SOX5: variants seen among roughly 807,000 people sequenced by gnomAD.
The protein encoded by SOX5 is transcription factor SOX-5.
In SOX5, 9 loss-of-function variants were observed where a neutral mutation model predicts 92.0. The observed-to-expected ratio is 0.10, with a 90% CI of 0.06 to 0.17. SOX5 has a LOEUF of 0.17. Among genes scored for constraint, SOX5 ranks in the 10% least tolerant of loss-of-function variants. The probability of loss-of-function intolerance (pLI) is 1.00; values close to 1 mark genes in which losing one functional copy is unlikely to be tolerated. For missense variants in SOX5, 642 were observed against 944.5 expected (o/e 0.68, Z 4.20); for synonymous variants, 344 against 336.3 (o/e 1.02, Z -0.25).
intron 2 of SOX5, among the ~76,000 whole-genome samples, chr12:23,869,012 CA>C (rs1454091026): frequency 6.6e-6 from 1 of 152,096 alleles, no homozygotes; most frequent in African/African-American, 2.4e-5. Context: ...TCTTTCAGGT[CA>C]GGCCCATTCT....
chr12:23,597,214 A>G (rs1952620287), intron 9 of SOX5, among the ~76,000 whole-genome samples: 2 of 152,248 alleles, frequency 1.3e-5, no homozygotes. Flanking sequence ...ACTGGGATAC[A>G]CAGCCCAGGC....
At chr12:24,170,873 T>C (rs1385349948) in intron 4 of SOX5, among the ~76,000 whole-genome samples, 1 of 152,182 alleles carries the variant, frequency 6.6e-6, no homozygotes, top group Non-Finnish European at 1.5e-5. Flanking sequence ...CACTACTTCA[T>C]CTACAACATC....
intron 6 of SOX5, among the ~76,000 whole-genome samples, chr12:23,704,061 A>G (rs2091039573): frequency 6.6e-6 from 1 of 152,004 alleles, no homozygotes; most frequent in South Asian, 2.1e-4. Flanking sequence ...ACAGCAGTAG[A>G]CAGAACTACA....
At chr12:24,392,150 C>G (rs1336356917) in intron 1 of SOX5, among the ~76,000 whole-genome samples, 1 of 152,152 alleles carries the variant, frequency 6.6e-6, no homozygotes, top group Non-Finnish European at 1.5e-5. Flanking sequence ...AACTCCACTG[C>G]TGTCACTCTA....
At chr12:24,177,191 GT>G (rs941492890) in intron 4 of SOX5, among the ~76,000 whole-genome samples, 12 of 152,060 alleles carry the variant, frequency 7.9e-5, no homozygotes, top group African/African-American at 2.7e-4. Context: ...AATTAGGGAG[GT>G]GCTATTACTA....
intron 2 of SOX5, among the ~76,000 whole-genome samples, chr12:24,357,816 G>A (rs1290653575): frequency 1.3e-5 from 2 of 148,956 alleles, no homozygotes; most frequent in Non-Finnish European, 3.0e-5. Flanking sequence ...ACTCCAGCCT[G>A]GGTGACAGAG....
chr12:24,190,355 A>G (rs1956403214), intron 4 of SOX5, among the ~76,000 whole-genome samples: 1 of 152,248 alleles, frequency 6.6e-6, no homozygotes, highest in African/African-American at 2.4e-5. Context: ...ATAAAATCTT[A>G]TCAAGGTAAA....
chr12:24,067,459 C>G (rs1940940179), intron 4 of SOX5, among the ~76,000 whole-genome samples: 1 of 152,050 alleles, frequency 6.6e-6, no homozygotes, highest in Non-Finnish European at 1.5e-5. Context: ...TTAAAATATC[C>G]TTTGTCGGTG....
chr12:24,117,251 A>G (rs1368698554), intron 4 of SOX5, among the ~76,000 whole-genome samples: 4 of 152,182 alleles, frequency 2.6e-5, no homozygotes, highest in Non-Finnish European at 2.9e-5. Flanking sequence ...GTAAATTAAA[A>G]CCATGTTGAG....
chr12:24,104,313 T>C (rs1477358228), intron 4 of SOX5, among the ~76,000 whole-genome samples: 1 of 152,146 alleles, frequency 6.6e-6, no homozygotes, highest in Non-Finnish European at 1.5e-5. Flanking sequence ...TTTTAAGTGG[T>C]AAGAAACATT....
intron 1 of SOX5, among the ~76,000 whole-genome samples, chr12:24,374,448 T>C (rs370791623): frequency 6.6e-5 from 10 of 152,150 alleles, no homozygotes; most frequent in Middle Eastern, 3.2e-3. Flanking sequence ...TTGGTGCCCA[T>C]GTGCAGGGAA....
intron 2 of SOX5, among the ~76,000 whole-genome samples, chr12:23,856,254 T>C (rs530615073): frequency 7.9e-5 from 12 of 152,242 alleles, no homozygotes; most frequent in African/African-American, 2.9e-4. Context: ...TATATTCATG[T>C]AGTTTACACG....
intron 11 of SOX5, among the ~76,000 whole-genome samples, chr12:23,548,105 C>T (rs934462431): frequency 1.3e-4 from 20 of 152,038 alleles, no homozygotes; most frequent in African/African-American, 3.4e-4. Context: ...GAGGAATGTA[C>T]GGGGCTTGGA....
chr12:24,219,494 T>C (rs1265541915), intron 3 of SOX5, among the ~76,000 whole-genome samples: 1 of 152,094 alleles, frequency 6.6e-6, no homozygotes, highest in East Asian at 1.9e-4. Context: ...CGACATAAAA[T>C]TGAAGTTCCC....
chr12:24,096,727 C>G (rs1945460489), intron 4 of SOX5, among the ~76,000 whole-genome samples: 1 of 152,074 alleles, frequency 6.6e-6, no homozygotes, highest in Non-Finnish European at 1.5e-5. Flanking sequence ...GAAAATTTGG[C>G]TCACTTCTAC....
At chr12:24,446,023 TG>T (rs777649846) in intron 1 of SOX5, among the ~76,000 whole-genome samples, 5 of 152,284 alleles carry the variant, frequency 3.3e-5, no homozygotes, top group Admixed American at 6.5e-5. Context: ...CAGAGATAAG[TG>T]CTACTCAGAA....
At chr12:24,226,194 T>C (rs1354294000) in intron 3 of SOX5, among the ~76,000 whole-genome samples, 2 of 152,132 alleles carry the variant, frequency 1.3e-5, no homozygotes, top group African/African-American at 4.8e-5. Context: ...AAAAAAAAAC[T>C]ATGTAAGATA....
At chr12:23,918,930 AAAAAG>A (rs2097450249) in intron 1 of SOX5, among the ~76,000 whole-genome samples, 1 of 151,736 alleles carries the variant, frequency 6.6e-6, no homozygotes. Flanking sequence ...AAAAAGAAAA[AAAAAG>A]AAAGAAAGAA....
intron 4 of SOX5, among the ~76,000 whole-genome samples, chr12:24,108,868 T>A (rs914377242): frequency 9.9e-5 from 15 of 152,138 alleles, no homozygotes; most frequent in Non-Finnish European, 1.5e-4. Flanking sequence ...GTAATAACAC[T>A]GTTTGCTTAG....
Sources: allele counts gnomAD v4.1 joint callset (sites outside exome capture counted in the v4.1 genomes callset), GRCh38; gene constraint gnomAD v4.1.1; transcripts MANE v1.5; gene names NCBI Gene and HGNC (gene_info 2026-07-23, HGNC 2026-07-21).